Variants in HDAC9 observed in about 807,000 individuals in gnomAD.
The protein encoded by HDAC9 is histone deacetylase 9, also known as MEF-2 interacting transcription repressor (MITR) protein.
Under a neutral mutation model 139.4 loss-of-function variants are expected in HDAC9, and 41 were observed. That is an observed-to-expected ratio of 0.29 (90% CI 0.23 to 0.38). The LOEUF (loss-of-function observed/expected upper bound fraction) is 0.38. HDAC9 is among the 10% of genes least tolerant of loss of function. The pLI, the probability that HDAC9 is intolerant of heterozygous loss-of-function variation, is 1.00. For missense variants in HDAC9, 1,147 were observed against 1,297.0 expected (o/e 0.88, Z 1.78); for synonymous variants, 517 against 476.2 (o/e 1.09, Z -1.12).
At chr7:18,255,932 T>C (rs74297987) in intron 2 of HDAC9, among the ~76,000 whole-genome samples, 2 of 152,138 alleles carry the variant, frequency 1.3e-5, no homozygotes, top group Admixed American at 1.3e-4. Context: ...TGGCCCAACA[T>C]TGATGAGTTT....
At chr7:18,470,391 A>T (rs905790783) in intron 1 of HDAC9, among the ~76,000 whole-genome samples, 1 of 152,054 alleles carries the variant, frequency 6.6e-6, no homozygotes. Flanking sequence ...CGATAATTTC[A>T]GTATTTCCTT....
Position 18,793,385 on chromosome 7 carries a change from G to A in HDAC9, c.2255G>A (p.Gly752Asp). Reference protein sequence around the residue: ...DTIWNELHSSGAARMAVGCVI... With the variant: ...DTIWNELHSSDAARMAVGCVI... ...ATTTGGAATGAGCTACACTCGTCCG[G>A]TGCTGCACGCATGGCTGTTGGCTGT... The change falls in exon 17 of 26, where the codon GGT becomes GAT. Residue 752 changes from glycine to aspartate, a missense_variant. This residue lies in a region of HDAC9 where 407 missense variants were observed against 521.5 expected (regional missense o/e 0.78). Transcript: ENST00000686413. 6.3e-7 allele frequency: 1 copy of A among 1,585,824 alleles called. No homozygotes were observed. Among genetic ancestry groups the A allele is most frequent in the Admixed American group, 1.8e-5 (1 of 55,890 alleles).
chr7:18,449,836 G>T (rs1033962685), intron 1 of HDAC9, among the ~76,000 whole-genome samples: 13 of 152,026 alleles, frequency 8.6e-5, no homozygotes, highest in African/African-American at 2.7e-4. Flanking sequence ...TTATCTGTTT[G>T]CAGTATCTCA....
intron 2 of HDAC9, among the ~76,000 whole-genome samples, chr7:18,215,072 T>C (rs939254941): frequency 2.6e-5 from 4 of 152,160 alleles, no homozygotes; most frequent in Non-Finnish European, 4.4e-5. Flanking sequence ...TGTTGTTTCT[T>C]GGAAATGAAA....
At chr7:18,108,190 C>G (rs1011422960) in intron 1 of HDAC9, among the ~76,000 whole-genome samples, 4 of 152,116 alleles carry the variant, frequency 2.6e-5, no homozygotes, top group African/African-American at 9.7e-5. Context: ...CCCAGAGTTT[C>G]CAACTGCAGT....
At chr7:18,721,411 CT>C (rs936147052) in intron 12 of HDAC9, among the ~76,000 whole-genome samples, 82 of 151,668 alleles carry the variant, frequency 5.4e-4, no homozygotes, top group African/African-American at 1.9e-3. Context: ...TATTCTTTTG[CT>C]TTTTTTCACT....
chr7:18,685,887 G>A (rs1782234539), intron 12 of HDAC9, among the ~76,000 whole-genome samples: 1 of 151,810 alleles, frequency 6.6e-6, no homozygotes, highest in Admixed American at 6.6e-5. Flanking sequence ...TTTTATTGTT[G>A]GTAGGAATGT....
chr7:18,997,847 C>T lies in HDAC9; in HGVS notation c.*1785C>T, dbSNP rs761899728. The T allele has an allele frequency of 1.1e-4, 17 of 152,028 alleles. No homozygotes were observed. The highest frequency in any genetic ancestry group is 4.4e-5 in the Non-Finnish European group (3 of 67,974). 9.4% of individuals were successfully genotyped at this position (152,028 alleles called of 1,614,324 possible). ...ACTTTTATTACATATACAAAAATGG[C>T]TCAATACTTGGTTTAACTTCTTAGA... On this transcript the variant is annotated 3_prime_UTR_variant, in exon 26 of 26. Coordinates refer to ENST00000686413, the MANE Select transcript of HDAC9 (RefSeq NM_178425.4).
intron 2 of HDAC9, among the ~76,000 whole-genome samples, chr7:18,222,583 C>T (rs2128176714): frequency 6.6e-6 from 1 of 152,118 alleles, no homozygotes; most frequent in South Asian, 2.1e-4. Flanking sequence ...ATAATCTTAC[C>T]CCCTACAGAT....
At chr7:18,854,241 T>C (rs1160773831) in intron 21 of HDAC9, among the ~76,000 whole-genome samples, 2 of 152,168 alleles carry the variant, frequency 1.3e-5, no homozygotes, top group African/African-American at 2.4e-5. Context: ...GTTGCTAATA[T>C]GGAGCACAAG....
At chr7:18,830,701 T>C (rs576585566) in intron 19 of HDAC9, among the ~76,000 whole-genome samples, 7 of 152,306 alleles carry the variant, frequency 4.6e-5, no homozygotes, top group African/African-American at 1.7e-4. Flanking sequence ...TCACACACTA[T>C]ATTGAAGCAT....
intron 25 of HDAC9, among the ~76,000 whole-genome samples, chr7:18,990,300 C>G (rs1368924143): frequency 2.6e-5 from 4 of 152,066 alleles, no homozygotes; most frequent in Non-Finnish European, 2.9e-5. Context: ...TGTTGGAGTA[C>G]CTGGCCATGT....
At chr7:18,806,400 G>T (rs1793714548) in intron 17 of HDAC9, among the ~76,000 whole-genome samples, 1 of 152,084 alleles carries the variant, frequency 6.6e-6, no homozygotes, top group African/African-American at 2.4e-5. Flanking sequence ...TGAGACTTGG[G>T]TCTCCATTTT....
At chr7:18,513,544 G>A (rs1037381663) in intron 2 of HDAC9, among the ~76,000 whole-genome samples, 3 of 152,284 alleles carry the variant, frequency 2.0e-5, no homozygotes, top group East Asian at 3.9e-4. Flanking sequence ...GCAATTCCAG[G>A]CAGGGGGAAC....
intron 2 of HDAC9, among the ~76,000 whole-genome samples, chr7:18,530,171 C>A (rs1229231108): frequency 5.3e-5 from 8 of 151,808 alleles, no homozygotes; most frequent in Non-Finnish European, 1.2e-4. Context: ...ACATGGGAGG[C>A]TGAGGTGGAA....
intron 1 of HDAC9, among the ~76,000 whole-genome samples, chr7:18,408,032 T>C (rs1788177128): frequency 6.6e-6 from 1 of 152,162 alleles, no homozygotes; most frequent in Admixed American, 6.5e-5. Flanking sequence ...ACTTACGTCG[T>C]GGAATTATTG....
At chr7:18,442,791 C>G (rs372517555) in intron 1 of HDAC9, among the ~76,000 whole-genome samples, 6 of 152,112 alleles carry the variant, frequency 3.9e-5, no homozygotes, top group Admixed American at 2.6e-4. Flanking sequence ...GTCAAGATAG[C>G]GCCTGGTTAA....
chr7:18,911,445 TG>T (rs769789026), intron 22 of HDAC9, among the ~76,000 whole-genome samples: 54 of 152,036 alleles, frequency 3.6e-4, no homozygotes, highest in Non-Finnish European at 5.6e-4. Flanking sequence ...TTGTCAATTT[TG>T]TTTATCTTTT....
intron 13 of HDAC9, among the ~76,000 whole-genome samples, chr7:18,744,139 T>C (rs1042229817): frequency 3.3e-5 from 5 of 150,758 alleles, no homozygotes; most frequent in African/African-American, 9.7e-5. Context: ...TGCAGGCATA[T>C]ACCACCACAC....
Sources: allele counts gnomAD v4.1 joint callset (sites outside exome capture counted in the v4.1 genomes callset), GRCh38; gene constraint gnomAD v4.1.1; regional missense constraint gnomAD v4.1.1; transcripts MANE v1.5; gene names NCBI Gene and HGNC (gene_info 2026-07-23, HGNC 2026-07-21).